Variants in NEGR1 observed in about 807,000 individuals in gnomAD.
NEGR1 encodes IgLON family member 4.
Under a neutral mutation model 40.9 loss-of-function variants are expected in NEGR1, and 10 were observed. The ratio of observed to expected loss-of-function variants is 0.24; its 90% CI spans 0.15 to 0.42. The LOEUF is 0.42. Among genes scored for constraint, NEGR1 ranks in the 10% least tolerant of loss-of-function variants. NEGR1 has a pLI of 1.00. For missense variants in NEGR1, 352 were observed against 438.9 expected (o/e 0.80, Z 1.77); for synonymous variants, 185 against 166.8 (o/e 1.11, Z -0.84).
chr1:71,652,101 A>G (rs928538367), intron 4 of NEGR1, among the ~76,000 whole-genome samples: 15 of 152,216 alleles, frequency 9.9e-5, no homozygotes, highest in Non-Finnish European at 1.9e-4. Context: ...AAACCCATAA[A>G]TGAGCATATT....
intron 1 of NEGR1, among the ~76,000 whole-genome samples, chr1:71,956,979 T>C (rs1296837568): frequency 1.3e-5 from 2 of 152,162 alleles, no homozygotes; most frequent in Non-Finnish European, 2.9e-5. Context: ...TCCATGTGCA[T>C]ATAAATGAAT....
chr1:72,044,864 T>C (rs1233346949), intron 1 of NEGR1, among the ~76,000 whole-genome samples: 8 of 151,860 alleles, frequency 5.3e-5, no homozygotes, highest in African/African-American at 1.9e-4. Context: ...CTGGGTTTTC[T>C]TATTTCCCAC....
chr1:71,671,784 C>T (rs1437237573), intron 4 of NEGR1, among the ~76,000 whole-genome samples: 2 of 152,278 alleles, frequency 1.3e-5, no homozygotes, highest in Non-Finnish European at 2.9e-5. Flanking sequence ...CCGTTAGTAC[C>T]CAATTAATCA....
chr1:71,748,223 G>T (rs943708589), intron 3 of NEGR1, among the ~76,000 whole-genome samples: 1 of 151,972 alleles, frequency 6.6e-6, no homozygotes, highest in Non-Finnish European at 1.5e-5. Context: ...CTACTTTACC[G>T]TACATACTGG....
intron 1 of NEGR1, among the ~76,000 whole-genome samples, chr1:72,177,208 G>T (rs1447621246): frequency 1.3e-5 from 2 of 151,998 alleles, no homozygotes; most frequent in Non-Finnish European, 2.9e-5. Context: ...ACTGAGGCAA[G>T]AAGAAGGTAT....
Position 71,574,783 on chromosome 1 carries a change from C to A in NEGR1, c.940+18034G>T, listed in dbSNP as rs141905261. Among the ~76,000 whole-genome samples, 1,187 of 152,282 alleles carry A rather than the reference C, an allele frequency of 7.8e-3. 28 individuals are homozygous for A. Among genetic ancestry groups the A allele is most frequent in the African/African-American group, 0.027 (1,140 of 41,558 alleles). ...TTTCCCTTAGCCCATACTTATTCTA[C>A]ATTAAGTGATGTGCATATGTTCTGT... On this transcript the variant is annotated intron_variant, in intron 6 of 6. Transcript: ENST00000357731.
intron 6 of NEGR1, among the ~76,000 whole-genome samples, chr1:71,521,754 T>G (rs1647158702): frequency 6.6e-6 from 1 of 151,976 alleles, no homozygotes; most frequent in Admixed American, 6.6e-5. Context: ...TCTGATGAAA[T>G]ATTTTTATAA....
chr1:72,109,768 T>G (rs1332544808), intron 1 of NEGR1, among the ~76,000 whole-genome samples: 1 of 151,574 alleles, frequency 6.6e-6, no homozygotes, highest in Non-Finnish European at 1.5e-5. Context: ...ACATTTGCAC[T>G]GACAAAGAAC....
intron 3 of NEGR1, among the ~76,000 whole-genome samples, chr1:71,740,062 T>G (rs772706244): frequency 8.5e-5 from 13 of 152,232 alleles, no homozygotes; most frequent in Non-Finnish European, 1.9e-4. Context: ...AAATGTGTTC[T>G]ATTTAGATCT....
At chr1:71,609,910 C>T (rs1173484478) in intron 5 of NEGR1, among the ~76,000 whole-genome samples, 3 of 152,156 alleles carry the variant, frequency 2.0e-5, no homozygotes, top group Admixed American at 6.5e-5. Flanking sequence ...ACCCTGTTCT[C>T]GTGATAGTGA....
At chr1:71,571,611 G>A (rs1039029021) in intron 6 of NEGR1, among the ~76,000 whole-genome samples, 10 of 151,952 alleles carry the variant, frequency 6.6e-5, no homozygotes, top group African/African-American at 1.9e-4. Context: ...GCAACATGGC[G>A]AAACCACGTC....
chr1:72,008,693 C>T lies in NEGR1; in HGVS notation c.177-73382G>A, dbSNP rs939002219. On this transcript the variant is annotated intron_variant, in intron 1 of 6. Coordinates refer to ENST00000357731, the MANE Select transcript of NEGR1 (RefSeq NM_173808.3). Reference sequence around the variant, plus strand: ...GGCCTATGTAATTACATTGGTACAACACCTTGAATAGTCCCATGATTAATG... The same window carrying T: ...GGCCTATGTAATTACATTGGTACAATACCTTGAATAGTCCCATGATTAATG... Among the ~76,000 whole-genome samples, 3 of 152,064 alleles carry T rather than the reference C, an allele frequency of 2.0e-5. No individual in the cohort carries two copies. The South Asian group carries it at 6.2e-4, about 32-fold the overall frequency.
At chr1:71,744,981 T>C (rs1426812134) in intron 3 of NEGR1, among the ~76,000 whole-genome samples, 2 of 152,184 alleles carry the variant, frequency 1.3e-5, no homozygotes, top group African/African-American at 2.4e-5. Flanking sequence ...TGAGTGTTAT[T>C]ATTATTTGAA....
intron 1 of NEGR1, among the ~76,000 whole-genome samples, chr1:71,944,994 T>C (rs987133953): frequency 1.2e-4 from 19 of 152,196 alleles, no homozygotes; most frequent in African/African-American, 4.6e-4. Context: ...AATGTTTTTT[T>C]AAACAGCTTC....
intron 1 of NEGR1, among the ~76,000 whole-genome samples, chr1:72,256,104 G>A (rs915371509): frequency 1.3e-5 from 2 of 152,162 alleles, no homozygotes; most frequent in Non-Finnish European, 1.5e-5. Context: ...ACAATACACA[G>A]CATCTGTTTC....
intron 3 of NEGR1, among the ~76,000 whole-genome samples, chr1:71,752,073 C>T (rs1265033727): frequency 2.0e-5 from 3 of 152,126 alleles, no homozygotes; most frequent in Non-Finnish European, 4.4e-5. Flanking sequence ...ATACAATACG[C>T]TGGAGTAGTA....
intron 1 of NEGR1, among the ~76,000 whole-genome samples, chr1:72,006,796 G>T (rs1256298153): frequency 3.3e-5 from 5 of 152,246 alleles, no homozygotes; most frequent in Admixed American, 2.6e-4. Flanking sequence ...GCAAAGACAA[G>T]GTTAGACTGC....
At chr1:72,092,101 G>A (rs1648521918) in intron 1 of NEGR1, among the ~76,000 whole-genome samples, 1 of 152,068 alleles carries the variant, frequency 6.6e-6, no homozygotes, top group African/African-American at 2.4e-5. Flanking sequence ...CATTGAATCA[G>A]TGTAAGTGAG....
At chr1:71,479,806 T>A (rs1312292880) in intron 6 of NEGR1, among the ~76,000 whole-genome samples, 16 of 152,022 alleles carry the variant, frequency 1.1e-4, no homozygotes, top group Admixed American at 1.1e-3. Context: ...CCTGCCAATA[T>A]GCAATTAATA....
Sources: gnomAD v4.1 joint callset for allele counts (sites outside exome capture counted in the v4.1 genomes callset) on GRCh38, gnomAD v4.1.1 for gene constraint, MANE v1.5 for transcripts, NCBI Gene and HGNC (gene_info 2026-07-23, HGNC 2026-07-21) for gene names.